COLEC12: variants seen among roughly 807,000 people sequenced by gnomAD.
COLEC12 encodes the protein collectin-12.
COLEC12 carries 33 observed loss-of-function variants against 71.1 expected under a neutral mutation model. That is an observed-to-expected ratio of 0.46 (90% CI 0.35 to 0.62). The LOEUF (loss-of-function observed/expected upper bound fraction) is 0.62, where lower values mean the gene tolerates loss of function less well. Ranked by LOEUF, COLEC12 falls within the 20% of genes least tolerant of loss-of-function variation. The probability of loss-of-function intolerance (pLI) is 0.00; values close to 1 mark genes in which losing one functional copy is unlikely to be tolerated. For missense variants in COLEC12, 765 were observed against 916.1 expected (o/e 0.84, Z 2.13); for synonymous variants, 350 against 353.0 (o/e 0.99, Z 0.10).
intron 3 of COLEC12, among the ~76,000 whole-genome samples, chr18:356,783 G>T (rs1031543306): frequency 6.6e-6 from 1 of 152,154 alleles, no homozygotes; most frequent in South Asian, 2.1e-4. Flanking sequence ...CAAGTCTGGA[G>T]GATTCAGGCA....
chr18:457,244 C>A (rs1420130049), intron 2 of COLEC12, among the ~76,000 whole-genome samples: 1 of 152,144 alleles, frequency 6.6e-6, no homozygotes, highest in Non-Finnish European at 1.5e-5. Flanking sequence ...GGGAACGGAG[C>A]CCCCTAAGCC....
intron 2 of COLEC12, among the ~76,000 whole-genome samples, chr18:478,704 G>A (rs374087051): frequency 2.1e-4 from 32 of 152,276 alleles, no homozygotes; most frequent in African/African-American, 7.5e-4. Context: ...GATATCCATC[G>A]CCTTGCCTAG....
At chr18:365,587 T>G (rs1032308777) in intron 2 of COLEC12, among the ~76,000 whole-genome samples, 1 of 152,180 alleles carries the variant, frequency 6.6e-6, no homozygotes, top group Non-Finnish European at 1.5e-5. Flanking sequence ...GGCTCAAGCT[T>G]GCAGGAGCTG....
At chr18:387,879 C>A (rs1433557487) in intron 2 of COLEC12, among the ~76,000 whole-genome samples, 1 of 152,108 alleles carries the variant, frequency 6.6e-6, no homozygotes, top group Non-Finnish European at 1.5e-5. Flanking sequence ...AAGCAAAATT[C>A]CACTGATTAC....
chr18:359,302 C>A (rs1914694035), intron 2 of COLEC12, among the ~76,000 whole-genome samples: 1 of 152,172 alleles, frequency 6.6e-6, no homozygotes, highest in Non-Finnish European at 1.5e-5. Flanking sequence ...GCCCCCATTC[C>A]CTGGCCGCAA....
intron 2 of COLEC12, among the ~76,000 whole-genome samples, chr18:470,017 G>A (rs565693043): frequency 2.0e-3 from 302 of 152,194 alleles, no homozygotes; most frequent in Non-Finnish European, 3.5e-3. Context: ...AAGGCATTTG[G>A]TGAATGTGTA....
chr18:405,223 T>C (rs55822563), intron 2 of COLEC12, among the ~76,000 whole-genome samples: 35,918 of 152,160 alleles, frequency 0.24, 5,334 homozygotes, highest in South Asian at 0.47. Flanking sequence ...TTATTAGTAG[T>C]TCTGCTTTTG....
At chr18:382,374 T>A (rs1256633751) in intron 2 of COLEC12, among the ~76,000 whole-genome samples, 1 of 152,222 alleles carries the variant, frequency 6.6e-6, no homozygotes, top group Non-Finnish European at 1.5e-5. Flanking sequence ...CTTACTACTT[T>A]ATATAGTAAA....
At chr18:462,421 A>T (rs1917000692) in intron 2 of COLEC12, among the ~76,000 whole-genome samples, 1 of 152,214 alleles carries the variant, frequency 6.6e-6, no homozygotes, top group South Asian at 2.1e-4. Context: ...CACAAAAGAC[A>T]ATATATTATG....
chr18:412,907 T>A (rs1449520884), intron 2 of COLEC12, among the ~76,000 whole-genome samples: 1 of 152,052 alleles, frequency 6.6e-6, no homozygotes, highest in Non-Finnish European at 1.5e-5. Flanking sequence ...AAAACAGAGC[T>A]ATAAAAAACA....
intron 2 of COLEC12, among the ~76,000 whole-genome samples, chr18:422,633 A>G (rs1916120514): frequency 6.6e-6 from 1 of 151,780 alleles, no homozygotes; most frequent in South Asian, 2.1e-4. Context: ...ATATTTTTAT[A>G]GATTATTTTA....
At chr18:369,091 C>T (rs981845238) in intron 2 of COLEC12, among the ~76,000 whole-genome samples, 2 of 152,198 alleles carry the variant, frequency 1.3e-5, no homozygotes, top group Non-Finnish European at 2.9e-5. Context: ...AGCTCCAAAT[C>T]AGGGCTTTTG....
chr18:395,161 G>A (rs1324975243), intron 2 of COLEC12, among the ~76,000 whole-genome samples: 5 of 152,226 alleles, frequency 3.3e-5, no homozygotes, highest in African/African-American at 1.2e-4. Flanking sequence ...GAAGAATGCA[G>A]CAGAAATTTA....
Position 441,075 on chromosome 18 carries a change from T to C in COLEC12, c.58+39632A>G, listed in dbSNP as rs372117983. 9.0e-3 allele frequency among the ~76,000 whole-genome samples: 1,169 copies of C among 129,970 alleles called. 9 individuals are homozygous for C. The highest frequency in any genetic ancestry group is 0.013 in the East Asian group (54 of 4,222). The allele number at this position is 129,970 out of a possible 152,430, so 85.3% of individuals were successfully genotyped here. ...CATCCTGGCTAACACAGTGAAACCC[T>C]GTCTCTACTAAAAATACAAAAAATT... On this transcript the variant is annotated intron_variant, in intron 2 of 9. Coordinates refer to ENST00000400256, the MANE Select transcript of COLEC12 (RefSeq NM_130386.3).
At chr18:363,418 G>A (rs1914790691) in intron 2 of COLEC12, among the ~76,000 whole-genome samples, 1 of 152,172 alleles carries the variant, frequency 6.6e-6, no homozygotes, top group Non-Finnish European at 1.5e-5. Flanking sequence ...TAGCTCAGTG[G>A]TGTTGCCATA....
intron 2 of COLEC12, among the ~76,000 whole-genome samples, chr18:365,970 G>A (rs571660293): frequency 3.9e-5 from 6 of 152,170 alleles, no homozygotes; most frequent in East Asian, 3.9e-4. Flanking sequence ...TTTAGGGCTC[G>A]GGTTTTCTAC....
intron 1 of COLEC12, among the ~76,000 whole-genome samples, chr18:497,870 T>C (rs992595628): frequency 1.3e-5 from 2 of 152,252 alleles, no homozygotes; most frequent in African/African-American, 4.8e-5. Context: ...ACAATTCCAC[T>C]TGGTAAAAGC....
chr18:406,515 C>CAAAAAAAA (rs34263909), intron 2 of COLEC12, among the ~76,000 whole-genome samples: 14 of 90,460 alleles, frequency 1.5e-4, no homozygotes, highest in African/African-American at 6.8e-4. Flanking sequence ...GACTCCGTCT[C>CAAAAAAAA]AAAAAAAAAA....
At position 375,601 on chromosome 18, in the gene COLEC12, G is replaced by A. The variant is rs571506549; in HGVS notation, c.59-18079C>T. 9.2e-5 allele frequency among the ~76,000 whole-genome samples: 14 copies of A among 152,286 alleles called. No individual in the cohort carries two copies. In the South Asian group the frequency reaches 2.7e-3, roughly 29 times the overall value. On this transcript the variant is annotated intron_variant, in intron 2 of 9. Transcript: ENST00000400256. ...CAGCCTCAAACTCCTGGGCTCAAGC[G>A]AGCCTCCCACCTCAGCCTCCTGAGT...
Sources: allele counts gnomAD v4.1 joint callset (sites outside exome capture counted in the v4.1 genomes callset), GRCh38; gene constraint gnomAD v4.1.1; transcripts MANE v1.5; gene names NCBI Gene and HGNC (gene_info 2026-07-23, HGNC 2026-07-21).